The following SUDS3 variants were observed in gnomAD, a reference collection of about 807,000 sequenced individuals.
SUDS3 encodes the protein sin3 histone deacetylase corepressor complex component SDS3.
In SUDS3, 23 loss-of-function variants were observed where a neutral mutation model predicts 53.5. That is an observed-to-expected ratio of 0.43 (90% CI 0.31 to 0.61). The LOEUF is 0.61. Ranked by LOEUF, SUDS3 falls within the 20% of genes least tolerant of loss-of-function variation. The probability of loss-of-function intolerance (pLI) is 0.10; values close to 1 mark genes in which losing one functional copy is unlikely to be tolerated. For missense variants in SUDS3, 291 were observed against 405.9 expected, an observed-to-expected ratio of 0.72 and a Z score of 2.43; for synonymous variants, 150 against 148.5, an observed-to-expected ratio of 1.01 and a Z score of -0.08.
chr12:118,387,719 T>C (rs1038304989), intron 4 of SUDS3, among the ~76,000 whole-genome samples: 4 of 152,134 alleles, frequency 2.6e-5, no homozygotes, highest in Non-Finnish European at 5.9e-5. Context: ...ACCTGGCTAA[T>C]TTTGTATTTT....
At chr12:118,412,488 A>G (rs2046367614) in intron 11 of SUDS3, among the ~76,000 whole-genome samples, 1 of 152,212 alleles carries the variant, frequency 6.6e-6, no homozygotes. Context: ...AGAGCCTTCT[A>G]GATAAATGAA....
Position 118,417,531 on chromosome 12 carries a change from A to G in SUDS3, c.*3098A>G, listed in dbSNP as rs559373293. ...AATCTCGGTGCTTACTGTTACACCA[A>G]TTTGTCCAAAGAGTTGAAATCACTT... On this transcript the variant is annotated 3_prime_UTR_variant, in exon 12 of 12. Coordinates refer to ENST00000543473, the MANE Select transcript of SUDS3 (RefSeq NM_022491.3). 10 of 151,948 alleles carry G rather than the reference A, an allele frequency of 6.6e-5. No individual in the cohort carries two copies. In the South Asian group the frequency reaches 1.5e-3, roughly 22 times the overall value. The allele number at this position is 151,948 out of a possible 1,614,324, so 9.4% of individuals were successfully genotyped here. A position where few individuals can be genotyped will look rare whatever the true frequency, so the allele number is the denominator to read the frequency against.
At chr12:118,408,870 A>G (rs1445581496) in intron 10 of SUDS3, among the ~76,000 whole-genome samples, 2 of 152,176 alleles carry the variant, frequency 1.3e-5, no homozygotes, top group Admixed American at 6.5e-5. Context: ...CTTTAGAACA[A>G]CTGTGAGTAT....
intron 4 of SUDS3, among the ~76,000 whole-genome samples, chr12:118,387,422 T>C (rs899705404): frequency 3.9e-5 from 6 of 152,128 alleles, no homozygotes; most frequent in African/African-American, 1.4e-4. Context: ...TATTAATACC[T>C]CATGGAACTG....
At chr12:118,385,719 A>G (rs888222979) in intron 3 of SUDS3, among the ~76,000 whole-genome samples, 2 of 152,248 alleles carry the variant, frequency 1.3e-5, no homozygotes, top group African/African-American at 4.8e-5. Flanking sequence ...CATGTTGGAC[A>G]TTGCAAATAT....
chr12:118,391,394 G>T, intron 6 of SUDS3, 112 bp downstream of exon 6: 1 of 1,258,210 alleles, frequency 7.9e-7, no homozygotes, highest in African/African-American at 1.5e-5. Context: ...TGGAGAGTGG[G>T]TTTTGACCTC....
chr12:118,377,267 T>C (rs2046008042), intron 1 of SUDS3, among the ~76,000 whole-genome samples: 1 of 152,036 alleles, frequency 6.6e-6, no homozygotes, highest in African/African-American at 2.4e-5. Flanking sequence ...TAGTACACTA[T>C]TGAGAACTCA....
chr12:118,380,053 G>C (rs1408185653), intron 1 of SUDS3, 109 bp from the exon 2 acceptor site: 2 of 862,620 alleles, frequency 2.3e-6, no homozygotes, highest in Non-Finnish European at 3.7e-6. Flanking sequence ...AGCCTGCCTT[G>C]AATAGAAATT....
chr12:118,409,095 A>G (rs2046334600), intron 10 of SUDS3, among the ~76,000 whole-genome samples: 1 of 152,140 alleles, frequency 6.6e-6, no homozygotes, highest in African/African-American at 2.4e-5. Flanking sequence ...GGCCAAAAGC[A>G]ACTTTAAAAC....
rs974525971 is a variant in SUDS3 at position 118,376,723 on chromosome 12, CGGCCCA to C, written c.36_41del (p.Gln13_Ala14del). On this transcript the variant is annotated inframe_deletion, in exon 1 of 12. Coordinates refer to ENST00000543473, the MANE Select transcript of SUDS3 (RefSeq NM_022491.3). The stretch of plus-strand genomic sequence containing the variant: ...GCCGCGGGGCTGCTGGCCCCGGCCC[CGGCCCA>C]GGCTGGAGCGCCGCCGGCCCCCGAG... 4.6e-6 allele frequency: 7 copies of C among 1,524,700 alleles called. No individual in the cohort carries two copies. The African/African-American group carries it at 5.7e-5, about 12-fold the overall frequency. 94.4% of individuals were successfully genotyped at this position (1,524,700 alleles called of 1,614,324 possible).
chr12:118,406,950 G>A (rs935376747), intron 10 of SUDS3, among the ~76,000 whole-genome samples: 1 of 150,190 alleles, frequency 6.7e-6, no homozygotes, highest in Non-Finnish European at 1.5e-5. Context: ...AGGCTGGCAT[G>A]CAGTGGTGTG....
intron 10 of SUDS3, among the ~76,000 whole-genome samples, chr12:118,407,236 T>G (rs923916350): frequency 2.3e-4 from 35 of 152,164 alleles, no homozygotes; most frequent in African/African-American, 7.0e-4. Flanking sequence ...ATTCAAATAA[T>G]TTAATAGATT....
intron 2 of SUDS3, among the ~76,000 whole-genome samples, chr12:118,382,303 C>T (rs1460757622): frequency 6.6e-6 from 1 of 152,094 alleles, no homozygotes; most frequent in Non-Finnish European, 1.5e-5. Flanking sequence ...TTGCTTCAGC[C>T]TCCCATCGTG....
intron 3 of SUDS3, 35 bp downstream of exon 3, chr12:118,384,102 T>C: frequency 6.3e-7 from 1 of 1,596,946 alleles, no homozygotes; most frequent in South Asian, 1.1e-5. Context: ...TTTCTAAATA[T>C]GCTTCTTAAT....
At chr12:118,391,313 G>T in intron 6 of SUDS3, 31 bp downstream of exon 6, 1 of 1,584,754 alleles carries the variant, frequency 6.3e-7, no homozygotes, top group South Asian at 1.2e-5. Flanking sequence ...GGGATCTTGG[G>T]GGCCCTGAGC....
chr12:118,386,892 C>T (rs183881661), intron 4 of SUDS3, among the ~76,000 whole-genome samples: 19 of 152,296 alleles, frequency 1.2e-4, no homozygotes, highest in Non-Finnish European at 2.6e-4. Flanking sequence ...CCTGAGGTTA[C>T]AGGAAATCGC....
At chr12:118,398,175 G>A (rs995570252) in intron 6 of SUDS3, among the ~76,000 whole-genome samples, 3 of 152,100 alleles carry the variant, frequency 2.0e-5, no homozygotes, top group Admixed American at 6.6e-5. Context: ...CTCCCGTTAC[G>A]CCAGGCACTG....
At chr12:118,398,600 C>T (rs1159364241) in intron 6 of SUDS3, among the ~76,000 whole-genome samples, 1 of 142,146 alleles carries the variant, frequency 7.0e-6, no homozygotes, top group Non-Finnish European at 1.5e-5. Context: ...CTCTTAAGAG[C>T]AACATGCAGA....
intron 2 of SUDS3, among the ~76,000 whole-genome samples, chr12:118,380,723 T>C (rs1365847144): frequency 6.6e-6 from 1 of 152,232 alleles, no homozygotes; most frequent in Non-Finnish European, 1.5e-5. Context: ...TTTTTTTTCC[T>C]TGAGACAGAG....
Sources: gnomAD v4.1 joint callset for allele counts (sites outside exome capture counted in the v4.1 genomes callset) on GRCh38, gnomAD v4.1.1 for gene constraint, MANE v1.5 for transcripts, NCBI Gene and HGNC (gene_info 2026-07-23, HGNC 2026-07-21) for gene names.